CDH20: variants seen among roughly 807,000 people sequenced by gnomAD.
CDH20 encodes the protein cadherin-20.
In CDH20, 29 loss-of-function variants were observed where a neutral mutation model predicts 74.2. That is an observed-to-expected ratio of 0.39 (90% CI 0.29 to 0.53). The LOEUF (loss-of-function observed/expected upper bound fraction) is 0.53, where lower values mean the gene tolerates loss of function less well. Ranked by LOEUF, CDH20 falls within the 20% of genes least tolerant of loss-of-function variation. CDH20 has a pLI of 0.69. For missense variants in CDH20, 988 were observed against 1,048.3 expected (o/e 0.94, Z 0.79); for synonymous variants, 469 against 405.4 (o/e 1.16, Z -1.88).
chr18:61,442,795 TC>T (rs1250977763), intron 1 of CDH20, among the ~76,000 whole-genome samples: 1 of 152,194 alleles, frequency 6.6e-6, no homozygotes, highest in African/African-American at 2.4e-5. Context: ...TGACCTGCTC[TC>T]TTGGGAAGGT....
intron 1 of CDH20, among the ~76,000 whole-genome samples, chr18:61,444,080 G>A (rs1478475039): frequency 6.6e-6 from 1 of 152,106 alleles, no homozygotes; most frequent in African/African-American, 2.4e-5. Context: ...CTTATAGCTA[G>A]TCAAGGTATA....
intron 1 of CDH20, among the ~76,000 whole-genome samples, chr18:61,472,663 G>T (rs1308725864): frequency 1.3e-5 from 2 of 152,234 alleles, no homozygotes; most frequent in African/African-American, 2.4e-5. Flanking sequence ...GGAAATGAAT[G>T]TGTCAATGTA....
intron 1 of CDH20, among the ~76,000 whole-genome samples, chr18:61,432,188 G>A (rs1282881879): frequency 6.8e-6 from 1 of 146,440 alleles, no homozygotes; most frequent in Non-Finnish European, 1.5e-5. Context: ...AGGTTGCAGT[G>A]AGCTGAGACC....
intron 6 of CDH20, among the ~76,000 whole-genome samples, chr18:61,513,596 C>G (rs1452311420): frequency 3.3e-5 from 5 of 151,604 alleles, no homozygotes; most frequent in Admixed American, 6.6e-5. Flanking sequence ...TCCTAGTCTC[C>G]ATGGTCTTTA....
At chr18:61,492,672 C>T (rs541310756) in intron 2 of CDH20, among the ~76,000 whole-genome samples, 2 of 152,304 alleles carry the variant, frequency 1.3e-5, no homozygotes, top group Admixed American at 6.5e-5. Flanking sequence ...TAATGAAATG[C>T]CCTTCCCCTG....
At chr18:61,548,046 GC>G (rs1279096496) in intron 10 of CDH20, among the ~76,000 whole-genome samples, 1 of 152,152 alleles carries the variant, frequency 6.6e-6, no homozygotes, top group African/African-American at 2.4e-5. Flanking sequence ...AGAAAAACCT[GC>G]TTTCTGAAAA....
chr18:61,344,834 T>C (rs1910063763), intron 1 of CDH20, among the ~76,000 whole-genome samples: 1 of 152,160 alleles, frequency 6.6e-6, no homozygotes, highest in African/African-American at 2.4e-5. Context: ...GTTCAGAAAA[T>C]TCCAATGGTC....
At chr18:61,393,208 G>A (rs1911851889) in intron 1 of CDH20, among the ~76,000 whole-genome samples, 1 of 152,050 alleles carries the variant, frequency 6.6e-6, no homozygotes, top group South Asian at 2.1e-4. Context: ...ACCAGAAAAG[G>A]GGAAGATCAA....
intron 1 of CDH20, among the ~76,000 whole-genome samples, chr18:61,412,470 A>G (rs1912546449): frequency 6.6e-6 from 1 of 152,194 alleles, no homozygotes; most frequent in Admixed American, 6.5e-5. Flanking sequence ...AGGAAGCTGT[A>G]TTATATAAAT....
chr18:61,459,713 C>T (rs1011747054), intron 1 of CDH20, among the ~76,000 whole-genome samples: 4 of 152,238 alleles, frequency 2.6e-5, no homozygotes, highest in African/African-American at 4.8e-5. Context: ...TCAGAGGATT[C>T]CTATGCACTT....
At chr18:61,538,138 C>T (rs1057390128) in intron 8 of CDH20, among the ~76,000 whole-genome samples, 6 of 152,170 alleles carry the variant, frequency 3.9e-5, no homozygotes, top group Non-Finnish European at 5.9e-5. Context: ...CTGTTAGTCC[C>T]TAAGCAGAAA....
intron 1 of CDH20, among the ~76,000 whole-genome samples, chr18:61,477,312 T>A (rs1910424794): frequency 6.6e-6 from 1 of 152,184 alleles, no homozygotes; most frequent in South Asian, 2.1e-4. Context: ...TCCATAAAGG[T>A]AACTGGGATC....
intron 9 of CDH20, among the ~76,000 whole-genome samples, chr18:61,541,491 T>G (rs1306882045): frequency 2.0e-5 from 3 of 152,196 alleles, no homozygotes; most frequent in Non-Finnish European, 4.4e-5. Flanking sequence ...TCTCCTGTTT[T>G]TGTAATCAAA....
intron 1 of CDH20, among the ~76,000 whole-genome samples, chr18:61,455,152 C>T (rs1182846274): frequency 6.6e-6 from 1 of 152,160 alleles, no homozygotes; most frequent in African/African-American, 2.4e-5. Context: ...AAAATACCTA[C>T]CCAGTACTCT....
At chr18:61,482,315 C>T (rs1037027073) in intron 1 of CDH20, among the ~76,000 whole-genome samples, 1 of 152,230 alleles carries the variant, frequency 6.6e-6, no homozygotes, top group South Asian at 2.1e-4. Flanking sequence ...AGCACCTCCT[C>T]CCAACTTCCT....
intron 1 of CDH20, among the ~76,000 whole-genome samples, chr18:61,406,007 C>T (rs1912318194): frequency 6.6e-6 from 1 of 152,148 alleles, no homozygotes; most frequent in Non-Finnish European, 1.5e-5. Context: ...GCATTCATCT[C>T]CTGCTCTTTA....
At chr18:61,420,140 A>T (rs368138719) in intron 1 of CDH20, among the ~76,000 whole-genome samples, 1 of 152,188 alleles carries the variant, frequency 6.6e-6, no homozygotes, top group Non-Finnish European at 1.5e-5. Flanking sequence ...CTACTGAAAC[A>T]TTACATCTTT....
chr18:61,475,716 C>T (rs1299038831), intron 1 of CDH20, among the ~76,000 whole-genome samples: 3 of 152,126 alleles, frequency 2.0e-5, no homozygotes, highest in South Asian at 4.1e-4. Context: ...GGAAAATGAT[C>T]AATTGATAAT....
intron 1 of CDH20, among the ~76,000 whole-genome samples, chr18:61,380,522 C>T (rs1043352133): frequency 2.0e-5 from 3 of 152,174 alleles, no homozygotes; most frequent in Non-Finnish European, 4.4e-5. Flanking sequence ...TAAAAATTAT[C>T]AAGACAACCG....
Sources: allele counts gnomAD v4.1 joint callset (sites outside exome capture counted in the v4.1 genomes callset), GRCh38; gene constraint gnomAD v4.1.1; transcripts MANE v1.5; gene names NCBI Gene and HGNC (gene_info 2026-07-23, HGNC 2026-07-21).